Variants in ZBTB2 observed in about 807,000 individuals in gnomAD.
The protein encoded by ZBTB2 is zinc finger and BTB domain-containing protein 2.
ZBTB2 carries 2 observed loss-of-function variants against 39.5 expected under a neutral mutation model. The observed-to-expected ratio is 0.05, with a 90% CI of 0.02 to 0.16. The LOEUF (loss-of-function observed/expected upper bound fraction) is 0.16, where lower values mean the gene tolerates loss of function less well. ZBTB2 is among the 10% of genes least tolerant of loss of function. The pLI, the probability that ZBTB2 is intolerant of heterozygous loss-of-function variation, is 1.00. For missense variants in ZBTB2, 391 were observed against 653.0 expected (o/e 0.60, Z 4.37); for synonymous variants, 251 against 256.6 (o/e 0.98, Z 0.21).
intron 2 of ZBTB2, among the ~76,000 whole-genome samples, chr6:151,372,936 C>G (rs1448343274): frequency 6.6e-6 from 1 of 151,878 alleles, no homozygotes; most frequent in African/African-American, 2.4e-5. Context: ...GGGCAGATCA[C>G]GAGGTCAGGA....
chr6:151,390,822 A>AAGC (rs1174152821), intron 1 of ZBTB2, among the ~76,000 whole-genome samples: 3 of 137,520 alleles, frequency 2.2e-5, no homozygotes, highest in African/African-American at 8.0e-5. Flanking sequence ...CTTGCCGCCG[A>AAGC]AGCAGCAGCG....
At chr6:151,381,747 A>C (rs1003312484) in intron 1 of ZBTB2, among the ~76,000 whole-genome samples, 1 of 152,060 alleles carries the variant, frequency 6.6e-6, no homozygotes, top group Non-Finnish European at 1.5e-5. Context: ...CAAACCTCTA[A>C]ACTAGGGTCC....
intron 2 of ZBTB2, chr6:151,370,133 A>G (rs1778754800): frequency 2.1e-6 from 2 of 969,440 alleles, no homozygotes; most frequent in African/African-American, 1.8e-5. Flanking sequence ...TATGTTTGAC[A>G]TAACATTTTT....
intron 1 of ZBTB2, among the ~76,000 whole-genome samples, chr6:151,387,081 T>C (rs1447963604): frequency 6.6e-6 from 1 of 152,216 alleles, no homozygotes; most frequent in African/African-American, 2.4e-5. Context: ...CCTATGTAGT[T>C]GGAAAAAGGA....
chr6:151,379,743 C>CT (rs751994252), intron 1 of ZBTB2, among the ~76,000 whole-genome samples: 9 of 150,094 alleles, frequency 6.0e-5, no homozygotes, highest in Non-Finnish European at 8.9e-5. Context: ...TTCTCACTTT[C>CT]TTTGCATTTG....
intron 1 of ZBTB2, among the ~76,000 whole-genome samples, chr6:151,377,403 T>A (rs1233355498): frequency 6.7e-6 from 1 of 149,452 alleles, no homozygotes; most frequent in Non-Finnish European, 1.5e-5. Context: ...AGTTTCGCTC[T>A]TGTTGCCCAG....
chr6:151,384,294 A>C (rs1181684019), intron 1 of ZBTB2, among the ~76,000 whole-genome samples: 1 of 152,238 alleles, frequency 6.6e-6, no homozygotes, highest in Non-Finnish European at 1.5e-5. Flanking sequence ...GCCACCCAAG[A>C]GGATTTTAAG....
intron 1 of ZBTB2, among the ~76,000 whole-genome samples, chr6:151,389,884 C>G (rs1269518616): frequency 6.6e-6 from 1 of 152,170 alleles, no homozygotes; most frequent in Non-Finnish European, 1.5e-5. Flanking sequence ...AGCGGCAAAA[C>G]CCAGCTTCCT....
intron 2 of ZBTB2, among the ~76,000 whole-genome samples, chr6:151,368,010 T>C (rs942218570): frequency 9.9e-5 from 15 of 152,272 alleles, no homozygotes; most frequent in African/African-American, 3.6e-4. Flanking sequence ...GGATATTCTA[T>C]AGACAATGCA....
At chr6:151,388,507 A>G (rs1050535542) in intron 1 of ZBTB2, among the ~76,000 whole-genome samples, 9 of 152,296 alleles carry the variant, frequency 5.9e-5, no homozygotes, top group Middle Eastern at 3.4e-3. Flanking sequence ...ATTGCAAAGT[A>G]TATCTATGGG....
rs1562762779 is a variant in ZBTB2, at chr6:151,366,179, CAG to C, written c.885_886del (p.Cys296Ter). The stretch of plus-strand genomic sequence containing the variant: ...TTTCCCGAGGTCAGCTGCATTGCTA[CAG>C]AGAGTCAGGGGGACGCGACTTTCTC... On this transcript the variant is annotated frameshift_variant, in exon 3 of 3. Transcript: ENST00000325144. LOFTEE classifies it high-confidence loss of function. The surrounding 1 kb of genome is among the most constrained non-coding windows in gnomAD (Gnocchi z 7.1). 1 of 1,614,164 alleles carries C rather than the reference CAG, an allele frequency of 6.2e-7. No homozygotes were observed.
Position 151,365,535 on chromosome 6 carries a change from C to T in ZBTB2, c.1531G>A (p.Val511Ile), listed in dbSNP as rs560530881. 30 of 1,610,002 alleles carry T rather than the reference C, an allele frequency of 1.9e-5. No homozygotes were observed. Among genetic ancestry groups the T allele is most frequent in the South Asian group, 1.4e-4 (13 of 90,482 alleles). ...LASIKKEQET[V>I]LLD is the part of the protein sequence containing the mutation. ...ATAAGTGACATTCAGTCTAGTAAGACGGTTTCTTGTTCCTTTTTGATGGAA... is the reference window on the plus strand; with the variant it reads ...ATAAGTGACATTCAGTCTAGTAAGATGGTTTCTTGTTCCTTTTTGATGGAA... The change falls in exon 3 of 3, where the codon GTC (valine) becomes ATC (isoleucine). Residue 511 changes from valine to isoleucine, a missense_variant. Physicochemically the swap from Val to Ile is conservative, Grantham distance 29. This residue lies in a region of ZBTB2 where 49 missense variants were observed against 55.6 expected (regional missense o/e 0.88). Transcript: ENST00000325144. The surrounding 1 kb of genome is among the most constrained non-coding windows in gnomAD (Gnocchi z 5.6).
chr6:151,383,744 G>GAGAC (rs796212530), intron 1 of ZBTB2, among the ~76,000 whole-genome samples: 2 of 152,072 alleles, frequency 1.3e-5, no homozygotes, highest in Non-Finnish European at 2.9e-5. Flanking sequence ...AACTGACCAT[G>GAGAC]AGACAGACAG....
chr6:151,368,494 C>T (rs987623717), intron 2 of ZBTB2, among the ~76,000 whole-genome samples: 8 of 150,578 alleles, frequency 5.3e-5, no homozygotes, highest in East Asian at 2.0e-4. Context: ...CTCACTCTGT[C>T]ACCAGGCTGG....
chr6:151,372,752 G>C lies in ZBTB2; in HGVS notation c.173+713C>G, dbSNP rs934279019. Among the ~76,000 whole-genome samples, 15 of 152,094 alleles carry C rather than the reference G, an allele frequency of 9.9e-5. No individual in the cohort carries two copies. In the South Asian group the frequency reaches 1.7e-3, roughly 17 times the overall value. On this transcript the variant is annotated intron_variant, in intron 2 of 2. Transcript: ENST00000325144. Reference sequence around the variant, plus strand: ...AAGAATAAATGCTGAAAGTCAGGGGGATACTCAGGGGACTGGGGCTGGAGG... The same window carrying C: ...AAGAATAAATGCTGAAAGTCAGGGGCATACTCAGGGGACTGGGGCTGGAGG...
intron 1 of ZBTB2, among the ~76,000 whole-genome samples, chr6:151,374,663 A>G (rs925206007): frequency 6.6e-6 from 1 of 152,156 alleles, no homozygotes; most frequent in South Asian, 2.1e-4. Context: ...CTCGATATTC[A>G]ACACAGCACT....
chr6:151,379,044 G>C (rs145448304), intron 1 of ZBTB2, among the ~76,000 whole-genome samples: 2 of 152,308 alleles, frequency 1.3e-5, no homozygotes, highest in East Asian at 1.9e-4. Context: ...CTACATGACA[G>C]TGTGTTTGTT....
chr6:151,381,046 A>G (rs1249100761), intron 1 of ZBTB2, among the ~76,000 whole-genome samples: 1 of 152,062 alleles, frequency 6.6e-6, no homozygotes, highest in East Asian at 1.9e-4. Flanking sequence ...TCAGGGCTCC[A>G]TTCTCTTACT....
chr6:151,367,757 T>C (rs1778682486), intron 2 of ZBTB2, among the ~76,000 whole-genome samples: 1 of 152,178 alleles, frequency 6.6e-6, no homozygotes, highest in Non-Finnish European at 1.5e-5. Context: ...GAAACTGAGG[T>C]CCCAAAAAGT....
Sources: gnomAD v4.1 joint callset for allele counts (sites outside exome capture counted in the v4.1 genomes callset) on GRCh38, gnomAD v4.1.1 for gene constraint, gnomAD v4.1.1 regional missense constraint, Gnocchi (gnomAD v3.1) non-coding constraint, MANE v1.5 for transcripts, NCBI Gene and HGNC (gene_info 2026-07-23, HGNC 2026-07-21) for gene names.